The following CABCOCO1 variants were observed in gnomAD, a reference collection of about 807,000 sequenced individuals.
CABCOCO1 encodes ciliary associated calcium binding coiled-coil 1, also known as ciliary-associated calcium-binding coiled-coil protein 1.
In CABCOCO1, 28 loss-of-function variants were observed where a neutral mutation model predicts 35.7. The ratio of observed to expected loss-of-function variants is 0.78; its 90% confidence interval spans 0.58 to 1.07. CABCOCO1 has a LOEUF of 1.07. Among genes scored for constraint, CABCOCO1 ranks in the 50% least tolerant of loss-of-function variants. The pLI, the probability that CABCOCO1 is intolerant of heterozygous loss-of-function variation, is 0.00. For synonymous variants in CABCOCO1, 95 were observed against 100.1 expected, an observed-to-expected ratio of 0.95 and a Z score of 0.30; for missense variants, 326 against 309.2, an observed-to-expected ratio of 1.05 and a Z score of -0.41.
intron 5 of CABCOCO1, among the ~76,000 whole-genome samples, chr10:61,700,749 T>C (rs1840426672): frequency 6.6e-6 from 1 of 152,116 alleles, no homozygotes; most frequent in Non-Finnish European, 1.5e-5. Flanking sequence ...ATGTCTGTTA[T>C]TAGAAGAAGT....
At chr10:61,671,261 G>T (rs1839351007) in intron 1 of CABCOCO1, among the ~76,000 whole-genome samples, 1 of 152,006 alleles carries the variant, frequency 6.6e-6, no homozygotes, top group African/African-American at 2.4e-5. Flanking sequence ...GGGAGGCGGA[G>T]CTTGCAGTGA....
chr10:61,721,364 C>T (rs1841016584), intron 5 of CABCOCO1, among the ~76,000 whole-genome samples: 2 of 152,108 alleles, frequency 1.3e-5, no homozygotes, highest in African/African-American at 4.8e-5. Context: ...TGTGCTTCTC[C>T]ATCACGTAAT....
intron 4 of CABCOCO1, among the ~76,000 whole-genome samples, chr10:61,687,227 A>G (rs1277435718): frequency 2.0e-5 from 3 of 152,206 alleles, no homozygotes; most frequent in Non-Finnish European, 4.4e-5. Context: ...TAATATTAAA[A>G]CGTAGCTCCT....
intron 5 of CABCOCO1, among the ~76,000 whole-genome samples, chr10:61,711,936 T>C (rs577838289): frequency 1.3e-5 from 2 of 152,180 alleles, no homozygotes; most frequent in South Asian, 4.1e-4. Flanking sequence ...ATTTGTGCTA[T>C]TGTGAATAGT....
intron 5 of CABCOCO1, among the ~76,000 whole-genome samples, chr10:61,710,099 T>C (rs551317767): frequency 2.5e-4 from 38 of 152,182 alleles, no homozygotes; most frequent in African/African-American, 7.5e-4. Flanking sequence ...ATTTGCCTGA[T>C]TACTAATAAA....
rs146225817 is a variant in CABCOCO1, at chr10:61,670,100, T to G, written c.61-2532T>G. Among the ~76,000 whole-genome samples, 95 of 152,216 alleles carry G rather than the reference T, an allele frequency of 6.2e-4. No homozygotes were observed. In the East Asian group the frequency reaches 0.017, roughly 27 times the overall value. On this transcript the variant is annotated intron_variant, in intron 1 of 7. Transcript: ENST00000648843. The stretch of plus-strand genomic sequence containing the variant: ...TAGACAGTCAGTTAGCAACCTATGT[T>G]GACATATCAAGAACTGCAGAATCCT...
intron 3 of CABCOCO1, among the ~76,000 whole-genome samples, chr10:61,683,078 A>G (rs947206971): frequency 4.0e-5 from 6 of 151,886 alleles, no homozygotes; most frequent in African/African-American, 1.5e-4. Context: ...TTTAGTACAG[A>G]CGGGGTTTCG....
At chr10:61,760,210 C>T (rs1355465995) in intron 6 of CABCOCO1, 29 bp downstream of exon 6, 4 of 1,602,088 alleles carry the variant, frequency 2.5e-6, no homozygotes, top group Admixed American at 3.4e-5. Context: ...TTCCATTCAC[C>T]CTACCTCATC....
At chr10:61,709,776 A>G (rs1226189752) in intron 5 of CABCOCO1, among the ~76,000 whole-genome samples, 2 of 151,900 alleles carry the variant, frequency 1.3e-5, no homozygotes, top group Non-Finnish European at 2.9e-5. Context: ...CCAGCACTGT[A>G]TCACTATTGG....
chr10:61,721,753 T>A (rs1841027320), intron 5 of CABCOCO1, among the ~76,000 whole-genome samples: 1 of 152,162 alleles, frequency 6.6e-6, no homozygotes, highest in African/African-American at 2.4e-5. Context: ...TGAGGAGTGA[T>A]GCATTCCATA....
intron 5 of CABCOCO1, among the ~76,000 whole-genome samples, chr10:61,753,536 C>G (rs1321399800): frequency 6.6e-6 from 1 of 151,998 alleles, no homozygotes; most frequent in African/African-American, 2.4e-5. Flanking sequence ...CCCTGTAAGC[C>G]CTGACTCTTT....
chr10:61,689,373 G>A (rs1192307732), intron 4 of CABCOCO1, among the ~76,000 whole-genome samples: 1 of 152,148 alleles, frequency 6.6e-6, no homozygotes, highest in African/African-American at 2.4e-5. Context: ...CAAAAGCTAA[G>A]TTACTTTTCT....
intron 5 of CABCOCO1, among the ~76,000 whole-genome samples, chr10:61,694,073 A>G (rs551427781): frequency 4.1e-4 from 62 of 151,982 alleles, no homozygotes; most frequent in African/African-American, 1.5e-3. Context: ...TTGTTAGTGT[A>G]TTACTTTACA....
At chr10:61,679,460 G>A (rs1839640671) in intron 2 of CABCOCO1, among the ~76,000 whole-genome samples, 1 of 152,058 alleles carries the variant, frequency 6.6e-6, no homozygotes. Context: ...CTGTAGCACA[G>A]GAAATTGACT....
At chr10:61,730,696 A>T (rs1841283381) in intron 5 of CABCOCO1, among the ~76,000 whole-genome samples, 1 of 152,132 alleles carries the variant, frequency 6.6e-6, no homozygotes, top group African/African-American at 2.4e-5. Flanking sequence ...TTAATTTCAC[A>T]GTTGAGAAAC....
At chr10:61,730,038 A>C (rs1289782869) in intron 5 of CABCOCO1, among the ~76,000 whole-genome samples, 5 of 152,148 alleles carry the variant, frequency 3.3e-5, no homozygotes, top group African/African-American at 9.7e-5. Flanking sequence ...GATGTATTGT[A>C]GACTTAAAAA....
chr10:61,731,179 G>T (rs1013031749), intron 5 of CABCOCO1, among the ~76,000 whole-genome samples: 5 of 151,448 alleles, frequency 3.3e-5, no homozygotes, highest in African/African-American at 1.2e-4. Context: ...GACAAGGGAT[G>T]CAGCATTAGT....
At chr10:61,751,511 A>G (rs1326637227) in intron 5 of CABCOCO1, among the ~76,000 whole-genome samples, 1 of 152,114 alleles carries the variant, frequency 6.6e-6, no homozygotes, top group African/African-American at 2.4e-5. Context: ...ATGCCACCAA[A>G]CGATAAAGGA....
intron 5 of CABCOCO1, among the ~76,000 whole-genome samples, chr10:61,708,812 C>G (rs143333746): frequency 6.6e-6 from 1 of 152,264 alleles, no homozygotes; most frequent in Non-Finnish European, 1.5e-5. Flanking sequence ...AATTAGATAA[C>G]AGTTTAAATA....
Sources: allele counts gnomAD v4.1 joint callset (sites outside exome capture counted in the v4.1 genomes callset), GRCh38; gene constraint gnomAD v4.1.1; transcripts MANE v1.5; gene names NCBI Gene and HGNC (gene_info 2026-07-23, HGNC 2026-07-21).